SGK3: variants seen among roughly 807,000 people sequenced by gnomAD.
SGK3 encodes serine/threonine-protein kinase Sgk3.
A neutral mutation model predicts 68.5 loss-of-function variants in SGK3; 47 were observed. The observed-to-expected ratio is 0.69, with a 90% CI of 0.54 to 0.87. SGK3 has a LOEUF of 0.87. SGK3 is among the 40% of genes least tolerant of loss of function. The pLI, the probability that SGK3 is intolerant of heterozygous loss-of-function variation, is 0.00. For missense variants in SGK3, 479 were observed against 575.5 expected (o/e 0.83, Z 1.72); for synonymous variants, 181 against 189.1 (o/e 0.96, Z 0.35).
intron 6 of SGK3, among the ~76,000 whole-genome samples, chr8:66,824,911 G>C (rs1808990440): frequency 6.6e-6 from 1 of 152,100 alleles, no homozygotes; most frequent in Non-Finnish European, 1.5e-5. Flanking sequence ...TATTGGTAAG[G>C]TTATGGATTT....
chr8:66,827,251 G>A lies in SGK3; in HGVS notation c.418-1403G>A, dbSNP rs913037680. The stretch of plus-strand genomic sequence containing the variant: ...ACAAAAATTAACCGGGCATGGTGGC[G>A]TATGCCTGTAATCCCAGCTACTCGG... On this transcript the variant is annotated intron_variant, in intron 6 of 16. Transcript: ENST00000521198. Among the ~76,000 whole-genome samples, 13 of 151,558 alleles carry A rather than the reference G, an allele frequency of 8.6e-5. No individual in the cohort carries two copies. In the East Asian group the frequency reaches 9.7e-4, roughly 11 times the overall value.
intron 5 of SGK3, 41 bp downstream of exon 5, chr8:66,813,969 A>C: frequency 6.7e-7 from 1 of 1,489,170 alleles, no homozygotes; most frequent in South Asian, 1.3e-5. Flanking sequence ...CATTAAAACT[A>C]AACCTAAGAA....
intron 1 of SGK3, among the ~76,000 whole-genome samples, chr8:66,751,399 T>G (rs970522222): frequency 1.3e-5 from 2 of 152,232 alleles, no homozygotes; most frequent in African/African-American, 2.4e-5. Flanking sequence ...TCATTTGTTA[T>G]GAGCTTCTTA....
chr8:66,721,071 A>T (rs1341677441), intron 1 of SGK3, among the ~76,000 whole-genome samples: 4 of 152,204 alleles, frequency 2.6e-5, no homozygotes, highest in Admixed American at 2.0e-4. Flanking sequence ...CAATGGTGGG[A>T]ATAGGTGACC....
At chr8:66,850,944 T>C (rs772325097) in intron 16 of SGK3, 24 bp downstream of exon 16, 10 of 1,578,700 alleles carry the variant, frequency 6.3e-6, no homozygotes, top group Non-Finnish European at 8.6e-6. Flanking sequence ...CAAATCTTTC[T>C]TTCTAGAATC....
chr8:66,800,449 A>G (rs1238952350), intron 3 of SGK3, among the ~76,000 whole-genome samples: 4 of 144,666 alleles, frequency 2.8e-5, no homozygotes, highest in East Asian at 2.0e-4. Flanking sequence ...GGTTTGTTAC[A>G]TATGTATACA....
chr8:66,760,718 A>G (rs1806141570), intron 1 of SGK3, among the ~76,000 whole-genome samples: 1 of 152,244 alleles, frequency 6.6e-6, no homozygotes, highest in Non-Finnish European at 1.5e-5. Flanking sequence ...TCAAGTAAAA[A>G]TGAGATTCTA....
intron 4 of SGK3, among the ~76,000 whole-genome samples, chr8:66,808,099 T>A (rs1051952298): frequency 4.6e-5 from 7 of 152,084 alleles, no homozygotes; most frequent in African/African-American, 1.7e-4. Flanking sequence ...ATAAAACTAG[T>A]GACTTTAAGG....
At chr8:66,766,751 C>A (rs1377373829) in intron 1 of SGK3, among the ~76,000 whole-genome samples, 1 of 152,046 alleles carries the variant, frequency 6.6e-6, no homozygotes, top group Non-Finnish European at 1.5e-5. Flanking sequence ...ATTGTTGTGT[C>A]CTCTTGATAA....
intron 1 of SGK3, among the ~76,000 whole-genome samples, chr8:66,732,611 G>A (rs897257259): frequency 1.3e-5 from 2 of 152,184 alleles, no homozygotes; most frequent in African/African-American, 2.4e-5. Flanking sequence ...TCGGGAGGCC[G>A]AGGTGGGTGG....
chr8:66,801,077 G>A (rs1427138028), intron 3 of SGK3, among the ~76,000 whole-genome samples: 2 of 152,142 alleles, frequency 1.3e-5, no homozygotes, highest in Admixed American at 1.3e-4. Flanking sequence ...ACACGCAACT[G>A]CACTTACTAA....
At chr8:66,779,575 TA>T (rs1806877450) in intron 1 of SGK3, among the ~76,000 whole-genome samples, 1 of 123,060 alleles carries the variant, frequency 8.1e-6, no homozygotes, top group African/African-American at 3.0e-5. Flanking sequence ...TATATATATA[TA>T]TATATATATA....
At chr8:66,716,261 A>C (rs1804627852) in intron 1 of SGK3, among the ~76,000 whole-genome samples, 1 of 152,172 alleles carries the variant, frequency 6.6e-6, no homozygotes, top group Non-Finnish European at 1.5e-5. Flanking sequence ...CGCATCTTGT[A>C]GTTCACGTCA....
At chr8:66,744,530 T>TG (rs1563605813) in intron 1 of SGK3, among the ~76,000 whole-genome samples, 1 of 119,318 alleles carries the variant, frequency 8.4e-6, no homozygotes, top group African/African-American at 3.1e-5. Flanking sequence ...TTTTTTTTTT[T>TG]TTTTTTTTTT....
At chr8:66,833,131 G>A (rs146978850) in intron 8 of SGK3, among the ~76,000 whole-genome samples, 6 of 151,920 alleles carry the variant, frequency 3.9e-5, no homozygotes, top group Non-Finnish European at 5.9e-5. Context: ...TCAGCCTTCC[G>A]AGTAGCTGGG....
At chr8:66,768,779 C>T (rs1052714569) in intron 1 of SGK3, among the ~76,000 whole-genome samples, 10 of 152,060 alleles carry the variant, frequency 6.6e-5, no homozygotes, top group Admixed American at 3.9e-4. Flanking sequence ...TTACCAGGCT[C>T]GTCTCGAACT....
intron 1 of SGK3, among the ~76,000 whole-genome samples, chr8:66,715,889 G>C (rs1804618567): frequency 6.6e-6 from 1 of 152,190 alleles, no homozygotes; most frequent in South Asian, 2.1e-4. Flanking sequence ...TAGGCAGTAA[G>C]AAACCCTTAA....
At chr8:66,832,916 T>G (rs994113169) in intron 8 of SGK3, among the ~76,000 whole-genome samples, 1 of 152,028 alleles carries the variant, frequency 6.6e-6, no homozygotes, top group African/African-American at 2.4e-5. Context: ...TTTTGTTTTT[T>G]TTTTTGCCAT....
In SGK3 at chr8:66,859,623, A is replaced by G; in HGVS notation, c.*42A>G. On this transcript the variant is annotated 3_prime_UTR_variant, in exon 17 of 17. Coordinates refer to ENST00000521198, the MANE Select transcript of SGK3 (RefSeq NM_001033578.3). ...AAACCATTGAGCAAAATAAGTCTAT[A>G]GATGGGACTGAAACTTCTATTTGTG... 2 of 1,560,072 alleles carry G rather than the reference A, an allele frequency of 1.3e-6. No homozygotes were observed. Among genetic ancestry groups the G allele is most frequent in the South Asian group, 2.4e-5 (2 of 82,654 alleles).
Sources: gnomAD v4.1 joint callset for allele counts (sites outside exome capture counted in the v4.1 genomes callset) on GRCh38, gnomAD v4.1.1 for gene constraint, MANE v1.5 for transcripts, NCBI Gene and HGNC (gene_info 2026-07-23, HGNC 2026-07-21) for gene names.